Variants in GPR139 observed in about 807,000 individuals in gnomAD.
GPR139 encodes the protein probable G protein-coupled receptor 139.
GPR139 carries 12 observed loss-of-function variants against 25.8 expected under a neutral mutation model. The observed-to-expected ratio is 0.47, with a 90% CI of 0.30 to 0.75. The LOEUF (loss-of-function observed/expected upper bound fraction) is 0.75. Ranked by LOEUF, GPR139 falls within the 30% of genes least tolerant of loss-of-function variation. The pLI is 0.07. For synonymous variants in GPR139, 184 were observed against 179.9 expected, an observed-to-expected ratio of 1.02 and a Z score of -0.18; for missense variants, 380 against 450.2, an observed-to-expected ratio of 0.84 and a Z score of 1.41.
At chr16:20,062,959 A>G (rs1008725103) in intron 1 of GPR139, among the ~76,000 whole-genome samples, 18 of 152,210 alleles carry the variant, frequency 1.2e-4, no homozygotes, top group East Asian at 5.8e-4. Context: ...TCTGACCTCT[A>G]TTTAGATGTC....
In GPR139 at chr16:20,029,714, C is replaced by T. The variant is rs1343541965; in HGVS notation, c.*2021G>A. On this transcript the variant is annotated 3_prime_UTR_variant, in exon 2 of 2. Transcript: ENST00000570682. ...GGAGCGTGGGAGATGGGAGATCTGT[C>T]CCTCAGTCAGACGACTTCCATGAAC... Among the ~76,000 whole-genome samples the T allele has an allele frequency of 6.6e-6, 1 of 152,086 alleles. No homozygotes were observed. The highest frequency in any genetic ancestry group is 1.5e-5 in the Non-Finnish European group (1 of 68,020).
chr16:20,047,761 G>A (rs9933800), intron 1 of GPR139, among the ~76,000 whole-genome samples: 11,579 of 152,176 alleles, frequency 0.076, 1,423 homozygotes, highest in African/African-American at 0.26. Context: ...TACAAATTCT[G>A]GAGCCAGATT....
chr16:20,050,059 G>C (rs1304705745), intron 1 of GPR139, among the ~76,000 whole-genome samples: 1 of 152,212 alleles, frequency 6.6e-6, no homozygotes, highest in Non-Finnish European at 1.5e-5. Flanking sequence ...ACCAGTTTCT[G>C]CCCTCCTGGA....
intron 1 of GPR139, among the ~76,000 whole-genome samples, chr16:20,055,510 C>T (rs1227604882): frequency 6.6e-6 from 1 of 152,194 alleles, no homozygotes; most frequent in East Asian, 1.9e-4. Context: ...AAACAGAGCT[C>T]AAACCTAGTC....
At chr16:20,045,874 G>A (rs940016496) in intron 1 of GPR139, among the ~76,000 whole-genome samples, 1 of 152,328 alleles carries the variant, frequency 6.6e-6, no homozygotes, top group Non-Finnish European at 1.5e-5. Context: ...TTTCCGGCTA[G>A]CGACTGCCTT....
At chr16:20,066,589 A>G (rs1353287558) in intron 1 of GPR139, among the ~76,000 whole-genome samples, 1 of 152,220 alleles carries the variant, frequency 6.6e-6, no homozygotes, top group African/African-American at 2.4e-5. Context: ...CAGGCCATTT[A>G]TAAGGCTTGA....
chr16:20,037,985 T>C (rs1474435383), intron 1 of GPR139, among the ~76,000 whole-genome samples: 1 of 151,890 alleles, frequency 6.6e-6, no homozygotes, highest in Non-Finnish European at 1.5e-5. Flanking sequence ...CTCAGCCTCC[T>C]GAGTAGCTGG....
chr16:20,031,428 T>G lies in GPR139; in HGVS notation c.*307A>C. 1 of 366,458 alleles carries G rather than the reference T, an allele frequency of 2.7e-6. No homozygotes were observed. Among genetic ancestry groups the G allele is most frequent in the South Asian group, 3.6e-5 (1 of 27,500 alleles). The allele number at this position is 366,458 out of a possible 1,614,324, so 22.7% of individuals were successfully genotyped here. A position where few individuals can be genotyped will look rare whatever the true frequency, so the allele number is the denominator to read the frequency against. On this transcript the variant is annotated 3_prime_UTR_variant, in exon 2 of 2. Coordinates refer to ENST00000570682, the MANE Select transcript of GPR139 (RefSeq NM_001002911.4). ...ATGGTACCAGGGCGAAATCACAGAC[T>G]ACTTCTCTACTTTGTGTCCTAACTG...
chr16:20,032,816 C>T, intron 1 of GPR139, 147 bp from the exon 2 acceptor site: 2 of 608,752 alleles, frequency 3.3e-6, no homozygotes. Flanking sequence ...CTCAGCATTA[C>T]AAATAGCACC....
intron 1 of GPR139, among the ~76,000 whole-genome samples, chr16:20,066,704 G>A (rs967155143): frequency 6.6e-5 from 10 of 152,172 alleles, no homozygotes; most frequent in Admixed American, 1.3e-4. Flanking sequence ...ATTTCTAATC[G>A]TCACAGCAAC....
chr16:20,063,206 C>T (rs781372004), intron 1 of GPR139, among the ~76,000 whole-genome samples: 12 of 152,352 alleles, frequency 7.9e-5, no homozygotes, highest in Non-Finnish European at 1.5e-4. Context: ...GATCACAAAT[C>T]AGCCTCCCTT....
intron 1 of GPR139, among the ~76,000 whole-genome samples, chr16:20,043,759 G>T (rs1445297446): frequency 6.6e-6 from 1 of 152,216 alleles, no homozygotes; most frequent in African/African-American, 2.4e-5. Flanking sequence ...GATGAATGCA[G>T]TGGTGTTTTC....
chr16:20,031,572 TTCTCTTCCA>T lies in GPR139; in HGVS notation c.*154_*162del, dbSNP rs2057288418. ...AAAACAAGCTTCATGCTCTCCTTTCTTCTCTTCCATCTCTTCTCATCTACCAGTCTGAGA... is the reference window on the plus strand; with the variant it reads ...AAAACAAGCTTCATGCTCTCCTTTCTTCTCTTCTCATCTACCAGTCTGAGA... On this transcript the variant is annotated 3_prime_UTR_variant, in exon 2 of 2. Coordinates refer to ENST00000570682, the MANE Select transcript of GPR139 (RefSeq NM_001002911.4). 1 of 630,414 alleles carries T rather than the reference TTCTCTTCCA, an allele frequency of 1.6e-6. No individual in the cohort carries two copies. The highest frequency in any genetic ancestry group is 1.8e-5 in the African/African-American group (1 of 54,684). The allele number at this position is 630,414 out of a possible 1,614,324, so 39.1% of individuals were successfully genotyped here.
chr16:20,055,164 A>C (rs1467497820), intron 1 of GPR139, among the ~76,000 whole-genome samples: 1 of 152,108 alleles, frequency 6.6e-6, no homozygotes, highest in African/African-American at 2.4e-5. Flanking sequence ...ATGTGTTCTC[A>C]TAATTTAGCT....
At chr16:20,042,153 G>A (rs758679424) in intron 1 of GPR139, among the ~76,000 whole-genome samples, 5 of 152,230 alleles carry the variant, frequency 3.3e-5, no homozygotes, top group South Asian at 4.2e-4. Flanking sequence ...AATGGGCATC[G>A]TAATAAATAG....
chr16:20,044,653 T>C (rs895683687), intron 1 of GPR139, among the ~76,000 whole-genome samples: 2 of 152,200 alleles, frequency 1.3e-5, no homozygotes, highest in Non-Finnish European at 2.9e-5. Context: ...TATTAGGCAC[T>C]GAGCTCACAT....
rs766707255 is a variant in GPR139 at position 20,032,254 on chromosome 16, G to A, written c.543C>T (p.His181=). ...TEDYISTSVH[H]VLIWIHCFTV... is the part of the protein sequence containing the mutation. ...TGAAGCAGTGGATCCAGATGAGGAC[G>A]TGATGCACAGAGGTGCTGATGTAGT... The change falls in exon 2 of 2, where the codon CAC becomes CAT. Residue 181 remains histidine, a synonymous_variant. Coordinates refer to ENST00000570682, the MANE Select transcript of GPR139 (RefSeq NM_001002911.4). 7 of 1,614,202 alleles carry A rather than the reference G, an allele frequency of 4.3e-6. No individual in the cohort carries two copies. The highest frequency in any genetic ancestry group is 5.9e-6 in the Non-Finnish European group (7 of 1,180,032).
Position 20,064,310 on chromosome 16 carries a change from G to C in GPR139, c.127+9180C>G, listed in dbSNP as rs981505670. Among the ~76,000 whole-genome samples the C allele has an allele frequency of 4.6e-5, 7 of 152,290 alleles. No homozygotes were observed. The East Asian group carries it at 9.6e-4, about 21-fold the overall frequency. On this transcript the variant is annotated intron_variant, in intron 1 of 1. Transcript: ENST00000570682. ...AATCCCAGTACTTTGGGAAGCCGAG[G>C]TGGGTGGATCACTTGAGACCAGGAG...
chr16:20,038,837 C>T lies in GPR139; in HGVS notation c.128-6168G>A, dbSNP rs1178903634. Among the ~76,000 whole-genome samples the T allele has an allele frequency of 2.6e-5, 4 of 152,142 alleles. 1 individual carries two copies. The highest frequency in any genetic ancestry group is 5.9e-5 in the Non-Finnish European group (4 of 68,020). ...CCATATTTAAAATTTCTTTCATTTC[C>T]ACAGTGGCACATTTTCCCCAAAGGG... On this transcript the variant is annotated intron_variant, in intron 1 of 1. Coordinates refer to ENST00000570682, the MANE Select transcript of GPR139 (RefSeq NM_001002911.4).
Sources: gnomAD v4.1 joint callset for allele counts (sites outside exome capture counted in the v4.1 genomes callset) on GRCh38, gnomAD v4.1.1 for gene constraint, MANE v1.5 for transcripts, NCBI Gene and HGNC (gene_info 2026-07-23, HGNC 2026-07-21) for gene names.